The following NUP107 variants were observed in gnomAD, a reference collection of about 807,000 sequenced individuals.
The protein encoded by NUP107 is nucleoporin 107.
A neutral mutation model predicts 141.0 loss-of-function variants in NUP107; 101 were observed. That is an observed-to-expected ratio of 0.72 (90% CI 0.61 to 0.84). NUP107 has a LOEUF of 0.84. Among genes scored for constraint, NUP107 ranks in the 40% least tolerant of loss-of-function variants. The pLI, the probability that NUP107 is intolerant of heterozygous loss-of-function variation, is 0.00. For missense variants in NUP107, 941 were observed against 1,102.7 expected, an observed-to-expected ratio of 0.85 and a Z score of 2.08; for synonymous variants, 319 against 363.9, an observed-to-expected ratio of 0.88 and a Z score of 1.41.
intron 12 of NUP107, among the ~76,000 whole-genome samples, chr12:68,719,000 T>C (rs1371830665): frequency 6.6e-6 from 1 of 152,144 alleles, no homozygotes; most frequent in East Asian, 1.9e-4. Flanking sequence ...GCGATGCACC[T>C]GCCTCAGCCT....
Position 68,689,556 on chromosome 12 carries a change from T to A in NUP107, c.124T>A (p.Phe42Ile). ...VLLQASQDEN[F>I]GNTTPRNQVI... is the part of the protein sequence containing the mutation. ...AGTTCAGGCATCTCAAGATGAAAAT[T>A]TTGGTAATACTACACCAAGAAACCA... Residue 42 changes from phenylalanine to isoleucine, a missense_variant, in exon 3 of 28, where the codon TTT becomes ATT. Coordinates refer to ENST00000229179, the MANE Select transcript of NUP107 (RefSeq NM_020401.4). 1 of 1,611,148 alleles carries A rather than the reference T, an allele frequency of 6.2e-7. No individual in the cohort carries two copies.
At position 68,713,764 on chromosome 12, in the gene NUP107, C is replaced by T. The variant is rs921166560; in HGVS notation, c.925C>T (p.Leu309=). 1.9e-6 allele frequency: 3 copies of T among 1,608,870 alleles called. No individual in the cohort carries two copies. The Admixed American group carries it at 5.1e-5, about 27-fold the overall frequency. ...NTLHTLKQRQ[L]TSYVGSVRPL... ...TCTGCATACCTTAAAACAACGGCAG[C>T]TGACTTCTTACGTTGGAAGTGTTCG... The change falls in exon 11 of 28, where the codon CTG becomes TTG. Residue 309 remains leucine (L), a synonymous_variant. Coordinates refer to ENST00000229179, the MANE Select transcript of NUP107 (RefSeq NM_020401.4).
intron 11 of NUP107, chr12:68,714,353 GGAAAAA>G (rs1367437534): frequency 6.6e-6 from 1 of 152,078 alleles, no homozygotes; most frequent in Non-Finnish European, 1.5e-5. Flanking sequence ...AAATTGTTTG[GGAAAAA>G]GAAAAAGAAA....
Position 68,742,573 on chromosome 12 carries a change from A to T in NUP107, c.*111A>T. 4 of 535,106 alleles carry T rather than the reference A, an allele frequency of 7.5e-6. No homozygotes were observed. The highest frequency in any genetic ancestry group is 9.8e-6 in the Non-Finnish European group (3 of 305,198). The allele number at this position is 535,106 out of a possible 1,614,324, so 33.1% of individuals were successfully genotyped here. On this transcript the variant is annotated 3_prime_UTR_variant, in exon 28 of 28. Coordinates refer to ENST00000229179, the MANE Select transcript of NUP107 (RefSeq NM_020401.4). ...TTACCATGTAAAATTTAGACATTTGAATTTTGTACTTTTCAGAATATTATC... is the reference window on the plus strand; with the variant it reads ...TTACCATGTAAAATTTAGACATTTGTATTTTGTACTTTTCAGAATATTATC...
At chr12:68,733,722 CTT>C (rs1877946786) in intron 24 of NUP107, 110 bp downstream of exon 24, 1 of 1,066,836 alleles carries the variant, frequency 9.4e-7, no homozygotes, top group Non-Finnish European at 1.4e-6. Context: ...TCTTACCTCT[CTT>C]GTGACTATAG....
At chr12:68,688,912 A>C (rs1331769659) in intron 1 of NUP107, 50 bp from the exon 2 acceptor site, 3 of 1,370,772 alleles carry the variant, frequency 2.2e-6, no homozygotes. Flanking sequence ...AATTCTTTAT[A>C]AATGCTATAT....
chr12:68,687,050 G>A lies in NUP107; in HGVS notation c.-16G>A, dbSNP rs1236433973. 8 of 1,614,076 alleles carry A rather than the reference G, an allele frequency of 5.0e-6. No individual in the cohort carries two copies. The South Asian group carries it at 8.8e-5, about 18-fold the overall frequency. On this transcript the variant is annotated 5_prime_UTR_variant, in exon 1 of 28. Transcript: ENST00000229179. ...ACTGCAGCCAACTTTGGTTGTGTGT[G>A]GAAAAGGCTTTAGCCATGGACAGGT...
intron 3 of NUP107, among the ~76,000 whole-genome samples, chr12:68,690,166 CAA>C (rs113877879): frequency 0.021 from 2,520 of 119,464 alleles, 39 homozygotes; most frequent in Non-Finnish European, 0.03. Context: ...GGCGACAGAG[CAA>C]AAAAAAAAAA....
intron 22 of NUP107, among the ~76,000 whole-genome samples, chr12:68,732,199 G>A (rs992241438): frequency 3.9e-5 from 6 of 152,104 alleles, no homozygotes; most frequent in East Asian, 1.9e-4. Flanking sequence ...GTGCAGTGGC[G>A]CTATCTCTGC....
chr12:68,738,359 A>G (rs1565705490), intron 26 of NUP107, among the ~76,000 whole-genome samples: 1 of 151,732 alleles, frequency 6.6e-6, no homozygotes, highest in Non-Finnish European at 1.5e-5. Context: ...TGGAGGCAGG[A>G]GAATCGATTG....
At chr12:68,731,396 C>T in intron 21 of NUP107, 136 bp downstream of exon 21, 1 of 929,964 alleles carries the variant, frequency 1.1e-6, no homozygotes, top group Non-Finnish European at 1.5e-6. Flanking sequence ...CAGGGAATTT[C>T]TGTTTTAGGA....
intron 22 of NUP107, among the ~76,000 whole-genome samples, chr12:68,732,379 G>C (rs1169701023): frequency 1.3e-5 from 2 of 152,064 alleles, no homozygotes; most frequent in South Asian, 4.2e-4. Flanking sequence ...CAAGAGATCC[G>C]CTCGCCTGGG....
At chr12:68,721,813 A>G in intron 15 of NUP107, 28 bp from the exon 16 acceptor site, 2 of 1,605,200 alleles carry the variant, frequency 1.2e-6, no homozygotes, top group Non-Finnish European at 1.7e-6. Context: ...ATATGTCTAT[A>G]TGTTTCTGTT....
chr12:68,739,196 T>TAC (rs151055790), intron 26 of NUP107, among the ~76,000 whole-genome samples: 33 of 152,100 alleles, frequency 2.2e-4, no homozygotes, highest in African/African-American at 6.0e-4. Context: ...TGCATGTGTA[T>TAC]ACACACACAC....
rs573734790 is a variant in NUP107, at chr12:68,710,764, A to T, written c.890+671A>T. ...ATAGTATAATAGTTATTTGCATAAC[A>T]TTTACGTTGTATTAGGTATTCTAAG... On this transcript the variant is annotated intron_variant, in intron 10 of 27. Transcript: ENST00000229179. Among the ~76,000 whole-genome samples the T allele has an allele frequency of 1.7e-4, 26 of 152,310 alleles. 1 individual carries two copies. The South Asian group carries it at 5.4e-3, about 32-fold the overall frequency.
chr12:68,742,446 A>G lies in NUP107; in HGVS notation c.2762A>G (p.Tyr921Cys), dbSNP rs991828119. Residue 921 changes from tyrosine to cysteine, a missense_variant, in exon 28 of 28, where the codon TAT (tyrosine) becomes TGT (cysteine). By Grantham distance (194) the Tyr-to-Cys change is radical (BLOSUM62 -2). Coordinates refer to ENST00000229179, the MANE Select transcript of NUP107 (RefSeq NM_020401.4). ...LLDQGLDPLGYEIQL is the reference protein window; with the variant it reads ...LLDQGLDPLGCEIQL ...GACCAGGGACTTGACCCATTAGGGT[A>G]TGAAATTCAGTTATAGTTTAATCTT... 49 of 1,573,202 alleles carry G rather than the reference A, an allele frequency of 3.1e-5. No individual in the cohort carries two copies. Among genetic ancestry groups the G allele is most frequent in the East Asian group, 4.6e-5 (2 of 43,784 alleles).
intron 24 of NUP107, among the ~76,000 whole-genome samples, chr12:68,733,971 C>T (rs150667567): frequency 2.5e-4 from 38 of 152,260 alleles, no homozygotes; most frequent in African/African-American, 7.9e-4. Flanking sequence ...GCAGCATACT[C>T]ATTCAAAATT....
In NUP107 at chr12:68,741,908, C is replaced by T; in HGVS notation, c.2598C>T (p.His866=). 1 of 1,613,772 alleles carries T rather than the reference C, an allele frequency of 6.2e-7. No homozygotes were observed. The highest frequency in any genetic ancestry group is 8.5e-7 in the Non-Finnish European group (1 of 1,179,752). ...GTTTTCTGCTTCATACGATATTGCA[C>T]AGTACTGGTCAGTATCAGGAATGCC... ...MLCFLLHTIL[H]STGQYQECLQ... The change falls in exon 27 of 28, where the codon CAC becomes CAT. Residue 866 remains histidine, a synonymous_variant. Coordinates refer to ENST00000229179, the MANE Select transcript of NUP107 (RefSeq NM_020401.4).
chr12:68,737,427 TGTGGTGGTGCA>T (rs1565705152), intron 26 of NUP107, among the ~76,000 whole-genome samples: 3 of 151,672 alleles, frequency 2.0e-5, no homozygotes, highest in Non-Finnish European at 4.4e-5. Flanking sequence ...ATTAGCCTGG[TGTGGTGGTGCA>T]TGCCTGTAGT....
Sources: allele counts gnomAD v4.1 joint callset (sites outside exome capture counted in the v4.1 genomes callset), GRCh38; gene constraint gnomAD v4.1.1; transcripts MANE v1.5; gene names NCBI Gene and HGNC (gene_info 2026-07-23, HGNC 2026-07-21).